ALDH16A1: variants seen among roughly 807,000 people sequenced by gnomAD.
ALDH16A1 encodes aldehyde dehydrogenase family 16 member A1.
In ALDH16A1, 88 loss-of-function variants were observed where a neutral mutation model predicts 96.1. The ratio of observed to expected loss-of-function variants is 0.92; its 90% CI spans 0.77 to 1.09. The LOEUF (loss-of-function observed/expected upper bound fraction) is 1.09. ALDH16A1 is among the 50% of genes least tolerant of loss of function. The probability of loss-of-function intolerance (pLI) is 0.00; values close to 1 mark genes in which losing one functional copy is unlikely to be tolerated. For synonymous variants in ALDH16A1, 522 were observed against 496.4 expected, an observed-to-expected ratio of 1.05 and a Z score of -0.69; for missense variants, 1,250 against 1,112.6, an observed-to-expected ratio of 1.12 and a Z score of -1.76.
intron 12 of ALDH16A1, among the ~76,000 whole-genome samples, chr19:49,465,029 T>C (rs1210443269): frequency 4.0e-5 from 6 of 151,866 alleles, no homozygotes; most frequent in Non-Finnish European, 8.8e-5. Flanking sequence ...AAGCTTGGGG[T>C]CCCTCAGAGG....
rs375495517 is a variant in ALDH16A1 at position 49,468,941 on chromosome 19, C to G, written c.2202C>G (p.Ala734=). The G allele has an allele frequency of 3.1e-6, 5 of 1,614,072 alleles. No individual in the cohort carries two copies. The highest frequency in any genetic ancestry group is 4.2e-6 in the Non-Finnish European group (5 of 1,179,998). The change falls in exon 16 of 17, where the codon GCC becomes GCG. Residue 734 remains alanine (A), a synonymous_variant. Transcript: ENST00000293350. This position sits in a 1 kb window ranked among gnomAD's most constrained non-coding sequence, Gnocchi z 4.4. ...GDRDHLTRCL[A]LHQDVQAMWY... is the part of the protein sequence containing the mutation. ...GGGACCATCTGACCCGCTGCCTGGC[C>G]TTGCACCAAGACGTCCAGGCCATGT...
Position 49,468,979 on chromosome 19 carries a change from C to T in ALDH16A1, c.2240C>T (p.Ser747Leu), listed in dbSNP as rs2079223204. 1 of 1,612,432 alleles carries T rather than the reference C, an allele frequency of 6.2e-7. No homozygotes were observed. The highest frequency in any genetic ancestry group is 1.3e-5 in the African/African-American group (1 of 74,906). Residue 747 changes from serine (S) to leucine (L), a missense_variant, in exon 16 of 17, where the codon TCA (serine) becomes TTA (leucine). Transcript: ENST00000293350. This position sits in a 1 kb window ranked among gnomAD's most constrained non-coding sequence, Gnocchi z 4.4. ...GTCCAGGCCATGTGGTATTTCGGAT[C>T]AGCCCAGGTGCTCTTTGTTCTGTTT... ...QDVQAMWYFG[S>L]AQGSQFVEWA...
chr19:49,461,902 C>G lies in ALDH16A1; in HGVS notation c.778C>G (p.Arg260Gly). 6.3e-7 allele frequency: 1 copy of G among 1,581,402 alleles called. No individual in the cohort carries two copies. The highest frequency in any genetic ancestry group is 1.1e-5 in the South Asian group (1 of 87,538). The change falls in exon 7 of 17, where the codon CGG (arginine) becomes GGG (glycine). Residue 260 changes from arginine (R) to glycine (G), a missense_variant. Physicochemically the swap from Arg to Gly is moderately radical, Grantham distance 125 (BLOSUM62 -2). Transcript: ENST00000293350. ...TCCCTAGGAAGGGCGTGCCCTTCGA[C>G]GGAGCCTGGCGGGAGAGTGTGCGGA... ...GAPEEGRALR[R>G]SLAGECAELG...
Position 49,458,555 on chromosome 19 carries a change from A to G in ALDH16A1, c.160A>G (p.Arg54Gly), listed in dbSNP as rs750230649. Residue 54 changes from arginine to glycine, a missense_variant, in exon 2 of 17, where the codon AGA becomes GGA. By Grantham distance (125) the Arg-to-Gly change is moderately radical. Transcript: ENST00000293350. ...TGGGAAGTGGTTAAAGCCTGAACACAGAAATTCAGTGCCTTGCCAGGATCC... is the reference window on the plus strand; with the variant it reads ...TGGGAAGTGGTTAAAGCCTGAACACGGAAATTCAGTGCCTTGCCAGGATCC... Reference protein sequence around the residue: ...VNGKWLKPEHRNSVPCQDPIT... With the variant: ...VNGKWLKPEHGNSVPCQDPIT... 3 of 1,564,990 alleles carry G rather than the reference A, an allele frequency of 1.9e-6. No individual in the cohort carries two copies. The highest frequency in any genetic ancestry group is 2.6e-6 in the Non-Finnish European group (3 of 1,152,640).
intron 4 of ALDH16A1, 92 bp from the exon 5 acceptor site, chr19:49,460,725 TTTTTC>T: frequency 1.4e-5 from 14 of 1,028,958 alleles, no homozygotes; most frequent in South Asian, 2.8e-5. Context: ...TTTTTTTTTT[TTTTTC>T]CTAATGTAGC....
In ALDH16A1 at chr19:49,470,337, G is replaced by A. The variant is rs753288641; in HGVS notation, c.2279G>A (p.Gly760Glu). ...GSQFVEWASA[G>E]NLKPVWASRG... ...CAGTTTGTCGAGTGGGCCTCGGCAG[G>A]AAACCTCAAACCGGTGTGGGCGAGC... The change falls in exon 17 of 17, where the codon GGA becomes GAA. Residue 760 changes from glycine to glutamate, a missense_variant. Gly to Glu is a moderately conservative substitution (Grantham distance 98). Coordinates refer to ENST00000293350, the MANE Select transcript of ALDH16A1 (RefSeq NM_153329.4). 23 of 1,613,394 alleles carry A rather than the reference G, an allele frequency of 1.4e-5. No homozygotes were observed. The South Asian group carries it at 2.1e-4, about 15-fold the overall frequency.
At chr19:49,465,658 A>G (rs2122413775) in intron 12 of ALDH16A1, 80 bp from the exon 13 acceptor site, 2 of 1,480,394 alleles carry the variant, frequency 1.4e-6, no homozygotes, top group Non-Finnish European at 1.8e-6. Context: ...GAGCCAAGGC[A>G]GTCTTCCCAG....
intron 2 of ALDH16A1, 119 bp downstream of exon 2, chr19:49,458,707 G>C: frequency 8.7e-7 from 1 of 1,143,216 alleles, no homozygotes; most frequent in Non-Finnish European, 1.3e-6. Context: ...GGTGGTGGGA[G>C]ATGGGCTGCG....
chr19:49,459,928 T>G lies in ALDH16A1; in HGVS notation c.499+80T>G. 1.4e-6 allele frequency: 2 copies of G among 1,481,120 alleles called. No individual in the cohort carries two copies. The highest frequency in any genetic ancestry group is 1.3e-5 in the South Asian group (1 of 76,262). 91.7% of individuals were successfully genotyped at this position (1,481,120 alleles called of 1,614,324 possible). A position where few individuals can be genotyped will look rare whatever the true frequency, so the allele number is the denominator to read the frequency against. On this transcript the variant is annotated intron_variant, in intron 4 of 16. Transcript: ENST00000293350. The surrounding 1 kb of genome is among the most constrained non-coding windows in gnomAD (Gnocchi z 4.1). Reference sequence around the variant, plus strand: ...TCCAGTCCCCTCATTCTTTTTCTTTTAGACAGAGTTTCGCTCTTGTCGCCC... The same window carrying G: ...TCCAGTCCCCTCATTCTTTTTCTTTGAGACAGAGTTTCGCTCTTGTCGCCC...
chr19:49,468,386 C>T lies in ALDH16A1; in HGVS notation c.1944C>T (p.Ala648=), dbSNP rs770158264. The change falls in exon 15 of 17, where the codon GCC becomes GCT. Residue 648 remains alanine, a synonymous_variant. Transcript: ENST00000293350. This position sits in a 1 kb window ranked among gnomAD's most constrained non-coding sequence, Gnocchi z 4.4. Reference sequence around the variant, plus strand: ...TGACCCACCTGTCCCTGCAGGTAGCCGGGCTGAGAGGCCCTGTGCTGCGCC... The same window carrying T: ...TGACCCACCTGTCCCTGCAGGTAGCTGGGCTGAGAGGCCCTGTGCTGCGCC... The part of the protein sequence containing the change: ...VQAQGHTLQV[A]GLRGPVLRLR... 18 of 1,598,528 alleles carry T rather than the reference C, an allele frequency of 1.1e-5. No homozygotes were observed. Among genetic ancestry groups the T allele is most frequent in the East Asian group, 2.2e-5 (1 of 44,848 alleles).
intron 12 of ALDH16A1, among the ~76,000 whole-genome samples, 174 bp downstream of exon 12, chr19:49,464,936 A>G (rs2079186038): frequency 6.6e-6 from 1 of 152,244 alleles, no homozygotes; most frequent in Admixed American, 6.5e-5. Flanking sequence ...CGAGACTCTC[A>G]GCTCTGCCCC....
At chr19:49,467,396 CTTTTT>C (rs111994857) in intron 14 of ALDH16A1, among the ~76,000 whole-genome samples, 2 of 131,168 alleles carry the variant, frequency 1.5e-5, no homozygotes, top group Non-Finnish European at 1.6e-5. Context: ...TTCTTTCTTT[CTTTTT>C]TTTTTTTTTT....
At chr19:49,469,196 A>G in intron 16 of ALDH16A1, 1 of 598,240 alleles carries the variant, frequency 1.7e-6, no homozygotes, top group Non-Finnish European at 2.7e-6. Context: ...GCCTAGCCCA[A>G]AGACCTCGTC....
At chr19:49,455,134 A>C (rs1431663674) in intron 1 of ALDH16A1, among the ~76,000 whole-genome samples, 1 of 147,328 alleles carries the variant, frequency 6.8e-6, no homozygotes, top group African/African-American at 2.5e-5. Flanking sequence ...AAATACAAAA[A>C]TGGCTGGGCG....
chr19:49,464,389 C>G lies in ALDH16A1; in HGVS notation c.1332-28C>G. On this transcript the variant is annotated intron_variant, in intron 10 of 16. Coordinates refer to ENST00000293350, the MANE Select transcript of ALDH16A1 (RefSeq NM_153329.4). ...CCGGCCTGCCACCGTCTGTTTTCCT[C>G]TGTTGGACACCTTCATCTTCCCCAC... 4 of 1,578,708 alleles carry G rather than the reference C, an allele frequency of 2.5e-6. No homozygotes were observed. The African/African-American group carries it at 4.0e-5, about 16-fold the overall frequency.
Position 49,453,291 on chromosome 19 carries a change from G to C in ALDH16A1, c.-41G>C, listed in dbSNP as rs769589384. The C allele has an allele frequency of 2.0e-6, 3 of 1,515,460 alleles. No homozygotes were observed. The highest frequency in any genetic ancestry group is 2.7e-6 in the Non-Finnish European group (3 of 1,128,316). The allele number at this position is 1,515,460 out of a possible 1,614,324, so 93.9% of individuals were successfully genotyped here. ...GGACCTCAAGGTTCCCCTTAACACAGAGCGCCCCGCAGTCTTCGCGGAAAG... is the reference window on the plus strand; with the variant it reads ...GGACCTCAAGGTTCCCCTTAACACACAGCGCCCCGCAGTCTTCGCGGAAAG... On this transcript the variant is annotated 5_prime_UTR_variant, in exon 1 of 17. Transcript: ENST00000293350.
Position 49,470,604 on chromosome 19 carries a change from A to T in ALDH16A1, c.*137A>T. ...GACCAACCCTAGCTGTGCTTCTGCGAGAAGAAAGGGTGTAGCAACTTCTGG... is the reference window on the plus strand; with the variant it reads ...GACCAACCCTAGCTGTGCTTCTGCGTGAAGAAAGGGTGTAGCAACTTCTGG... On this transcript the variant is annotated 3_prime_UTR_variant, in exon 17 of 17. Coordinates refer to ENST00000293350, the MANE Select transcript of ALDH16A1 (RefSeq NM_153329.4). 1.1e-6 allele frequency: 1 copy of T among 931,792 alleles called. No individual in the cohort carries two copies. Among genetic ancestry groups the T allele is most frequent in the Non-Finnish European group, 1.5e-6 (1 of 689,654 alleles). The allele number at this position is 931,792 out of a possible 1,614,324, so 57.7% of individuals were successfully genotyped here.
chr19:49,461,813 C>T lies in ALDH16A1; in HGVS notation c.759+13C>T. ...CGGAGCCCCGGAGGTACCTTCGGGA[C>T]AGGGGTCGTGGCGGAACGCGGCTGG... On this transcript the variant is annotated intron_variant, in intron 6 of 16. Transcript: ENST00000293350. The T allele has an allele frequency of 6.2e-6, 10 of 1,608,906 alleles. No homozygotes were observed. In the Middle Eastern group the frequency reaches 1.7e-3, roughly 266 times the overall value.
At chr19:49,465,409 G>A (rs916786035) in intron 12 of ALDH16A1, among the ~76,000 whole-genome samples, 11 of 141,028 alleles carry the variant, frequency 7.8e-5, no homozygotes, top group Non-Finnish European at 1.2e-4. Flanking sequence ...CCAGAGGCTA[G>A]TGGGAACAGG....
Sources: gnomAD v4.1 joint callset for allele counts (sites outside exome capture counted in the v4.1 genomes callset) on GRCh38, gnomAD v4.1.1 for gene constraint, Gnocchi (gnomAD v3.1) non-coding constraint, MANE v1.5 for transcripts, NCBI Gene and HGNC (gene_info 2026-07-23, HGNC 2026-07-21) for gene names.